COL9A1: variants seen among roughly 807,000 people sequenced by gnomAD.
COL9A1 encodes collagen type IX alpha 1 chain, also known as collagen alpha-1(IX) chain.
COL9A1 carries 104 observed loss-of-function variants against 142.6 expected under a neutral mutation model. The observed-to-expected ratio is 0.73, with a 90% confidence interval of 0.62 to 0.86. COL9A1 has a LOEUF of 0.86. Ranked by LOEUF, COL9A1 falls within the 40% of genes least tolerant of loss-of-function variation. COL9A1 has a pLI of 0.00. For synonymous variants in COL9A1, 466 were observed against 396.0 expected, an observed-to-expected ratio of 1.18 and a Z score of -2.10; for missense variants, 1,210 against 1,176.6, an observed-to-expected ratio of 1.03 and a Z score of -0.42.
At chr6:70,268,206 C>T (rs1772154820) in intron 17 of COL9A1, among the ~76,000 whole-genome samples, 1 of 151,296 alleles carries the variant, frequency 6.6e-6, no homozygotes, top group Non-Finnish European at 1.5e-5. Flanking sequence ...TCACTATCTT[C>T]CTTAATAGGA....
chr6:70,270,251 C>T (rs1772307038), intron 15 of COL9A1, 63 bp downstream of exon 15: 1 of 1,524,266 alleles, frequency 6.6e-7, no homozygotes, highest in African/African-American at 1.4e-5. Context: ...ATTTTGGATT[C>T]TTAGATTTTT....
intron 26 of COL9A1, 177 bp downstream of exon 26, chr6:70,253,208 C>T (rs1771062356): frequency 1.9e-6 from 1 of 519,132 alleles, no homozygotes; most frequent in Non-Finnish European, 3.5e-6. Context: ...TCAAAGTATG[C>T]TTTCTGTAGC....
At chr6:70,299,469 G>T (rs1773973259) in intron 4 of COL9A1, among the ~76,000 whole-genome samples, 1 of 152,128 alleles carries the variant, frequency 6.6e-6, no homozygotes, top group Admixed American at 6.5e-5. Flanking sequence ...ACACACTAAA[G>T]TACCTCAGTT....
intron 4 of COL9A1, 147 bp downstream of exon 4, chr6:70,299,896 G>A (rs987796890): frequency 6.7e-6 from 5 of 747,400 alleles, no homozygotes. Context: ...AGGTACTGAA[G>A]ATAGGCAGGT....
chr6:70,237,198 G>C (rs1769965904), intron 33 of COL9A1, among the ~76,000 whole-genome samples: 1 of 152,134 alleles, frequency 6.6e-6, no homozygotes, highest in African/African-American at 2.4e-5. Flanking sequence ...AGAAAACAAA[G>C]GAGACCACGA....
chr6:70,279,945 T>C (rs1773032337), intron 10 of COL9A1: 4 of 646,010 alleles, frequency 6.2e-6, no homozygotes, highest in East Asian at 2.7e-5. Flanking sequence ...TGATGCACCA[T>C]GGTATGCTAA....
At position 70,274,066 on chromosome 6, in the gene COL9A1, G is replaced by A; in HGVS notation, c.1046C>T (p.Pro349Leu). The A allele has an allele frequency of 6.3e-7, 1 of 1,584,848 alleles. No individual in the cohort carries two copies. The highest frequency in any genetic ancestry group is 2.3e-5 in the East Asian group (1 of 43,596). Residue 349 changes from proline to leucine, a missense_variant, in exon 12 of 38, where the codon CCT becomes CTT. Physicochemically the swap from Pro to Leu is moderately conservative, Grantham distance 98. Transcript: ENST00000357250. ...ACTTACTGGAAATCCACGCGATCCA[G>A]GCACACCAGGTTCTCCCTAAAAATA... ...SKGQKGEPGV[P>L]GSRGFPGRGI...
chr6:70,240,608 T>C, intron 32 of COL9A1, 81 bp downstream of exon 32: 3 of 826,340 alleles, frequency 3.6e-6, no homozygotes, highest in African/African-American at 1.8e-5. Flanking sequence ...AATTTTGAAC[T>C]GTGTTAGAAG....
chr6:70,275,080 G>A (rs563919085), intron 10 of COL9A1: 1 of 389,198 alleles, frequency 2.6e-6, no homozygotes, highest in African/African-American at 2.1e-5. Flanking sequence ...ATGCAACATA[G>A]CAATTACAAT....
intron 4 of COL9A1, among the ~76,000 whole-genome samples, chr6:70,295,787 G>A (rs762407892): frequency 3.5e-4 from 53 of 152,170 alleles, no homozygotes; most frequent in Non-Finnish European, 6.5e-4. Context: ...TTAAAAATCA[G>A]CATGTTAAAT....
At chr6:70,287,265 C>T (rs1773491814) in intron 5 of COL9A1, among the ~76,000 whole-genome samples, 1 of 152,024 alleles carries the variant, frequency 6.6e-6, no homozygotes, top group South Asian at 2.1e-4. Context: ...GCAGAGTAGA[C>T]ATCCGATTTT....
chr6:70,291,254 A>C (rs1448397170), intron 5 of COL9A1, among the ~76,000 whole-genome samples: 1 of 152,164 alleles, frequency 6.6e-6, no homozygotes, highest in South Asian at 2.1e-4. Context: ...ACAAAGCTTG[A>C]AAAGGGAAGA....
At position 70,242,658 on chromosome 6, in the gene COL9A1, T is replaced by C. The variant is rs1415101337; in HGVS notation, c.1926+4A>G. The C allele has an allele frequency of 6.2e-7, 1 of 1,613,270 alleles. No homozygotes were observed. The highest frequency in any genetic ancestry group is 1.1e-5 in the South Asian group (1 of 91,066). The stretch of plus-strand genomic sequence containing the variant: ...AGGCAAATAAACGAAACTTTTCTAC[T>C]TACCAGTTTACCTGGTAGGCCTGGG... On this transcript the variant is annotated splice_donor_region_variant and intron_variant, in intron 29 of 37. Transcript: ENST00000357250.
chr6:70,268,623 C>G (rs112804517), intron 17 of COL9A1, among the ~76,000 whole-genome samples, 181 bp downstream of exon 17: 115 of 152,278 alleles, frequency 7.6e-4, no homozygotes, highest in African/African-American at 2.7e-3. Context: ...ATTAAACCTC[C>G]ATGTCTTGGT....
rs139726321 is a variant in COL9A1 at position 70,302,426 on chromosome 6, T to A, written c.15-352A>T. Among the ~76,000 whole-genome samples the A allele has an allele frequency of 8.5e-3, 1,299 of 152,198 alleles. 13 individuals are homozygous for A. The highest frequency in any genetic ancestry group is 0.037 in the Middle Eastern group (11 of 294). ...GGTTTCACCATGGTGGTCAGTCTGGTCTTGAACTCCTGACCTCGTGATTCG... is the reference window on the plus strand; with the variant it reads ...GGTTTCACCATGGTGGTCAGTCTGGACTTGAACTCCTGACCTCGTGATTCG... On this transcript the variant is annotated intron_variant, in intron 1 of 37. Transcript: ENST00000357250.
At chr6:70,267,541 C>T (rs1400088799) in intron 17 of COL9A1, among the ~76,000 whole-genome samples, 2 of 151,964 alleles carry the variant, frequency 1.3e-5, no homozygotes, top group East Asian at 1.9e-4. Context: ...AGGCTGGTCT[C>T]GAACTCCCAA....
rs1773125940 is a variant in COL9A1, at chr6:70,281,018, G to A, written c.898C>T (p.Pro300Ser). 1.2e-6 allele frequency: 2 copies of A among 1,613,266 alleles called. No individual in the cohort carries two copies. The highest frequency in any genetic ancestry group is 2.2e-5 in the East Asian group (1 of 44,864). ...GIDGDRGPKG[P>S]PGPPGPAGEP... The stretch of plus-strand genomic sequence containing the variant: ...AATCAACTTACCGGGGGGCCCGGGG[G>A]GCCCTTAGGACCTCGGTCACCCTGG... The change falls in exon 9 of 38, where the codon CCC becomes TCC. Residue 300 changes from proline (P) to serine (S), a missense_variant. Pro to Ser is a moderately conservative substitution (Grantham distance 74). Transcript: ENST00000357250.
At chr6:70,234,400 G>T in intron 35 of COL9A1, 139 bp downstream of exon 35, 1 of 825,854 alleles carries the variant, frequency 1.2e-6, no homozygotes, top group Non-Finnish European at 2.1e-6. Context: ...AACAGAATTG[G>T]CATTAATATT....
At chr6:70,269,983 C>G (rs1772284888) in intron 15 of COL9A1, among the ~76,000 whole-genome samples, 1 of 152,136 alleles carries the variant, frequency 6.6e-6, no homozygotes, top group African/African-American at 2.4e-5. Context: ...TTAAATTTTT[C>G]TTACTATGAA....
Sources: gnomAD v4.1 joint callset for allele counts (sites outside exome capture counted in the v4.1 genomes callset) on GRCh38, gnomAD v4.1.1 for gene constraint, MANE v1.5 for transcripts, NCBI Gene and HGNC (gene_info 2026-07-23, HGNC 2026-07-21) for gene names.